UBTD2: variants seen among roughly 807,000 people sequenced by gnomAD.
UBTD2 encodes the protein ubiquitin domain-containing protein 2.
Under a neutral mutation model 19.8 loss-of-function variants are expected in UBTD2, and 9 were observed. The observed-to-expected ratio is 0.46, with a 90% CI of 0.27 to 0.79. The LOEUF (loss-of-function observed/expected upper bound fraction) is 0.79. Ranked by LOEUF, UBTD2 falls within the 30% of genes least tolerant of loss-of-function variation. UBTD2 has a pLI of 0.14. For missense variants in UBTD2, 250 were observed against 300.4 expected (o/e 0.83, Z 1.24); for synonymous variants, 98 against 103.9 (o/e 0.94, Z 0.35).
intron 1 of UBTD2, among the ~76,000 whole-genome samples, chr5:172,251,808 C>G (rs922964001): frequency 6.6e-5 from 10 of 152,034 alleles, no homozygotes; most frequent in Non-Finnish European, 1.2e-4. Context: ...ATGAGAAACA[C>G]AAAACATCTC....
At chr5:172,241,413 T>TAAAAAAA (rs1175413571) in intron 1 of UBTD2, among the ~76,000 whole-genome samples, 1 of 118,286 alleles carries the variant, frequency 8.5e-6, no homozygotes, top group Non-Finnish European at 1.8e-5. Flanking sequence ...CTGTCTCAAT[T>TAAAAAAA]AAAAAAAAAA....
At chr5:172,217,935 CAAG>C (rs1771577176) in intron 2 of UBTD2, among the ~76,000 whole-genome samples, 1 of 152,140 alleles carries the variant, frequency 6.6e-6, no homozygotes, top group African/African-American at 2.4e-5. Flanking sequence ...ACAGATCTAA[CAAG>C]AAGAAAATCA....
At chr5:172,271,019 C>A (rs1430606947) in intron 1 of UBTD2, among the ~76,000 whole-genome samples, 1 of 152,136 alleles carries the variant, frequency 6.6e-6, no homozygotes, top group African/African-American at 2.4e-5. Context: ...ATCTCCTCTA[C>A]AAGCTTCTTA....
At chr5:172,282,654 A>C (rs1412036046) in intron 1 of UBTD2, among the ~76,000 whole-genome samples, 1 of 152,244 alleles carries the variant, frequency 6.6e-6, no homozygotes, top group African/African-American at 2.4e-5. Flanking sequence ...TCTTTGCCTA[A>C]AGGCTGTTTA....
At chr5:172,229,991 A>G (rs1232938506) in intron 2 of UBTD2, among the ~76,000 whole-genome samples, 1 of 152,214 alleles carries the variant, frequency 6.6e-6, no homozygotes, top group Admixed American at 6.5e-5. Flanking sequence ...CAAGAAATGT[A>G]AGACAATGAG....
chr5:172,220,374 G>A (rs1423212130), intron 2 of UBTD2, among the ~76,000 whole-genome samples: 2 of 152,192 alleles, frequency 1.3e-5, no homozygotes, highest in Non-Finnish European at 2.9e-5. Context: ...GGTGGCTCAC[G>A]CCTCTAATCC....
At chr5:172,240,002 T>C (rs563071898) in intron 1 of UBTD2, among the ~76,000 whole-genome samples, 22 of 152,346 alleles carry the variant, frequency 1.4e-4, no homozygotes, top group Non-Finnish European at 2.5e-4. Context: ...TATTTTCACA[T>C]AGCAAACCAA....
chr5:172,253,822 T>C (rs1423192887), intron 1 of UBTD2, among the ~76,000 whole-genome samples: 2 of 152,156 alleles, frequency 1.3e-5, no homozygotes, highest in South Asian at 4.1e-4. Context: ...GAGGAATACA[T>C]GGACAACTGA....
rs577474758 is a variant in UBTD2 at position 172,223,586 on chromosome 5, CAAAAAAAAAAA to C, written c.307+10525_307+10535del. Among the ~76,000 whole-genome samples, 10 of 33,128 alleles carry C rather than the reference CAAAAAAAAAAA, an allele frequency of 3.0e-4. No homozygotes were observed. The South Asian group carries it at 3.6e-3, about 12-fold the overall frequency. The allele number at this position is 33,128 out of a possible 152,430, so 21.7% of individuals were successfully genotyped here. A position where few individuals can be genotyped will look rare whatever the true frequency, so the allele number is the denominator to read the frequency against. On this transcript the variant is annotated intron_variant, in intron 2 of 2. Coordinates refer to ENST00000393792, the MANE Select transcript of UBTD2 (RefSeq NM_152277.3). ...TGCACTCCAGCCTGGGCGACGGAGT[CAAAAAAAAAAA>C]AAAAAAAAAAAAAAAAAAAAGCACA... is the stretch of plus-strand genomic sequence containing the variant.
intron 2 of UBTD2, among the ~76,000 whole-genome samples, chr5:172,232,874 A>T (rs1050669955): frequency 1.1e-4 from 16 of 151,924 alleles, no homozygotes; most frequent in Admixed American, 5.9e-4. Context: ...ACAGAGTGAG[A>T]CCTGTCTCTT....
At chr5:172,256,384 T>C (rs13182962) in intron 1 of UBTD2, among the ~76,000 whole-genome samples, 3 of 137,402 alleles carry the variant, frequency 2.2e-5, no homozygotes, top group South Asian at 2.5e-4. Context: ...CTTTTCCTTA[T>C]ACTTTTTTTT....
At chr5:172,235,548 C>G (rs1025885865) in intron 1 of UBTD2, among the ~76,000 whole-genome samples, 2 of 152,040 alleles carry the variant, frequency 1.3e-5, no homozygotes, top group Non-Finnish European at 2.9e-5. Context: ...CCACAAGGAG[C>G]AGAAGAACTA....
intron 1 of UBTD2, among the ~76,000 whole-genome samples, chr5:172,235,166 G>A (rs1771982762): frequency 1.3e-5 from 2 of 152,162 alleles, no homozygotes. Context: ...TCATCAGACT[G>A]TAAGAGCAGG....
At chr5:172,237,397 T>C (rs1010291896) in intron 1 of UBTD2, among the ~76,000 whole-genome samples, 2 of 152,164 alleles carry the variant, frequency 1.3e-5, no homozygotes, top group South Asian at 4.1e-4. Flanking sequence ...AGGCCCCCAA[T>C]GCATTTTCAA....
At chr5:172,284,115 A>C (rs1755797639), upstream of UBTD2, 2 of 150,262 alleles carry the variant, frequency 1.3e-5, no homozygotes, top group East Asian at 2.0e-4. Context: ...CCCGCCCGGA[A>C]TCGCCGGAGA....
intron 1 of UBTD2, among the ~76,000 whole-genome samples, chr5:172,272,406 G>A (rs953823590): frequency 6.6e-6 from 1 of 152,134 alleles, no homozygotes; most frequent in African/African-American, 2.4e-5. Context: ...AAGCAGAAGC[G>A]GAAAGATGCG....
intron 2 of UBTD2, 120 bp downstream of exon 2, chr5:172,234,002 A>ATG: frequency 1.0e-6 from 1 of 1,001,474 alleles, no homozygotes. Flanking sequence ...ATTCCTTGCT[A>ATG]CATTAAAAAA....
At chr5:172,251,619 G>C (rs1456988758) in intron 1 of UBTD2, among the ~76,000 whole-genome samples, 16 of 120,588 alleles carry the variant, frequency 1.3e-4, no homozygotes, top group South Asian at 6.6e-4. Flanking sequence ...TATGTTCAAA[G>C]TGCAATGAAA....
At chr5:172,229,313 A>C (rs1561852705) in intron 2 of UBTD2, among the ~76,000 whole-genome samples, 1 of 152,014 alleles carries the variant, frequency 6.6e-6, no homozygotes, top group Non-Finnish European at 1.5e-5. Context: ...ATCCTGGCTA[A>C]CACGGTGAAA....
Sources: allele counts gnomAD v4.1 joint callset (sites outside exome capture counted in the v4.1 genomes callset), GRCh38; gene constraint gnomAD v4.1.1; transcripts MANE v1.5; gene names NCBI Gene and HGNC (gene_info 2026-07-23, HGNC 2026-07-21).